The following HACD1 variants were observed in gnomAD, a reference collection of about 807,000 sequenced individuals.
HACD1 encodes the protein very-long-chain (3R)-3-hydroxyacyl-CoA dehydratase 1.
A neutral mutation model predicts 32.0 loss-of-function variants in HACD1; 41 were observed. That is an observed-to-expected ratio of 1.28 (90% CI 1.00 to 1.66). The LOEUF is 1.66. HACD1 is among the 40% of genes most tolerant of loss of function. The probability of loss-of-function intolerance (pLI) is 0.00; values close to 1 mark genes in which losing one functional copy is unlikely to be tolerated. For missense variants in HACD1, 396 were observed against 380.1 expected (o/e 1.04, Z -0.35); for synonymous variants, 142 against 139.0 (o/e 1.02, Z -0.15).
intron 4 of HACD1, among the ~76,000 whole-genome samples, chr10:17,602,546 T>C (rs1834085266): frequency 6.6e-6 from 1 of 152,218 alleles, no homozygotes; most frequent in Admixed American, 6.5e-5. Context: ...TTATTTTTAA[T>C]TGAAAATTTA....
chr10:17,590,536 T>A lies in HACD1; in HGVS notation c.785-90A>T, dbSNP rs560325060. ...TGTTAAATGTGGCAATGTTAGAGAG[T>A]AAATACATCCCATACCACTGCTGTT... On this transcript the variant is annotated intron_variant, in intron 6 of 6. Coordinates refer to ENST00000361271, the MANE Select transcript of HACD1 (RefSeq NM_014241.4). 2.9e-5 allele frequency: 26 copies of A among 895,390 alleles called. No homozygotes were observed. The African/African-American group carries it at 3.3e-4, about 12-fold the overall frequency. The allele number at this position is 895,390 out of a possible 1,614,324, so 55.5% of individuals were successfully genotyped here.
intron 6 of HACD1, among the ~76,000 whole-genome samples, chr10:17,593,104 C>T (rs536746541): frequency 5.3e-5 from 8 of 151,860 alleles, no homozygotes; most frequent in South Asian, 2.1e-4. Flanking sequence ...TGAGAGGCAG[C>T]GATTGGAGTG....
At chr10:17,609,982 CAAAAAAAAAA>C (rs1189308859) in intron 1 of HACD1, among the ~76,000 whole-genome samples, 2 of 64,788 alleles carry the variant, frequency 3.1e-5, no homozygotes, top group East Asian at 9.2e-4. Context: ...GACTCCATCT[CAAAAAAAAAA>C]AAAAAAAAGA....
chr10:17,604,134 T>C, intron 1 of HACD1, 87 bp from the exon 2 acceptor site: 3 of 1,029,354 alleles, frequency 2.9e-6, no homozygotes, highest in Non-Finnish European at 4.3e-6. Flanking sequence ...TTATTCAAAA[T>C]AGTGAAAAGG....
At chr10:17,604,612 T>C (rs1181446938) in intron 1 of HACD1, among the ~76,000 whole-genome samples, 1 of 152,094 alleles carries the variant, frequency 6.6e-6, no homozygotes, top group Non-Finnish European at 1.5e-5. Context: ...TGAAATAAGC[T>C]AGGCACAAAA....
At chr10:17,615,793 C>G in intron 1 of HACD1, 1 of 426,858 alleles carries the variant, frequency 2.3e-6, no homozygotes, top group Non-Finnish European at 4.7e-6. Context: ...ATGGTGATAC[C>G]CTGTCTCTAC....
chr10:17,591,651 AAATT>A (rs1163256269), intron 6 of HACD1, among the ~76,000 whole-genome samples: 4 of 152,250 alleles, frequency 2.6e-5, no homozygotes, highest in South Asian at 2.1e-4. Context: ...GTGGATAAAC[AAATT>A]AATATCAGCT....
chr10:17,596,671 T>A (rs1180627573), intron 5 of HACD1, among the ~76,000 whole-genome samples: 4 of 152,092 alleles, frequency 2.6e-5, no homozygotes, highest in Non-Finnish European at 4.4e-5. Context: ...GAGGGCAGTA[T>A]GGGAGATTTA....
intron 1 of HACD1, among the ~76,000 whole-genome samples, chr10:17,607,695 T>G (rs1834167565): frequency 6.6e-6 from 1 of 152,214 alleles, no homozygotes; most frequent in Admixed American, 6.5e-5. Context: ...TAGGTGGCAG[T>G]ATTGTACCAC....
At chr10:17,604,728 C>T (rs1285736684) in intron 1 of HACD1, among the ~76,000 whole-genome samples, 1 of 152,102 alleles carries the variant, frequency 6.6e-6, no homozygotes, top group Non-Finnish European at 1.5e-5. Context: ...TTGATTGAGA[C>T]AGGGTCTCGC....
intron 1 of HACD1, 136 bp from the exon 2 acceptor site, chr10:17,604,183 A>C: frequency 1.6e-6 from 1 of 641,264 alleles, no homozygotes. Flanking sequence ...GTGAATGGAT[A>C]CTTGAAATGT....
At chr10:17,604,378 G>A (rs566939281) in intron 1 of HACD1, among the ~76,000 whole-genome samples, 104 of 151,800 alleles carry the variant, frequency 6.9e-4, no homozygotes, top group African/African-American at 2.1e-3. Flanking sequence ...CAGCTACTCA[G>A]GAGGCTGAGG....
Position 17,592,642 on chromosome 10 carries a change from A to G in HACD1, c.784+1563T>C, listed in dbSNP as rs1434569186. Among the ~76,000 whole-genome samples, 3 of 152,130 alleles carry G rather than the reference A, an allele frequency of 2.0e-5. No individual in the cohort carries two copies. In the East Asian group the frequency reaches 5.8e-4, roughly 29 times the overall value. On this transcript the variant is annotated intron_variant, in intron 6 of 6. Coordinates refer to ENST00000361271, the MANE Select transcript of HACD1 (RefSeq NM_014241.4). ...TTTCCATGGAGATGCCTCAAAAGCCATGAGGAGGAAGAGAACCCACTGTTT... is the reference window on the plus strand; with the variant it reads ...TTTCCATGGAGATGCCTCAAAAGCCGTGAGGAGGAAGAGAACCCACTGTTT...
At chr10:17,594,847 GT>G (rs782329972) in intron 5 of HACD1, among the ~76,000 whole-genome samples, 85 of 131,894 alleles carry the variant, frequency 6.4e-4, no homozygotes, top group South Asian at 7.8e-4. Context: ...AATTTTTGGT[GT>G]TTTTTTTTTT....
At chr10:17,613,000 A>G (rs1390613459) in intron 1 of HACD1, among the ~76,000 whole-genome samples, 1 of 152,044 alleles carries the variant, frequency 6.6e-6, no homozygotes, top group Non-Finnish European at 1.5e-5. Context: ...AGAAAATGAA[A>G]GTGTGTGATA....
chr10:17,608,911 C>T (rs1345112612), intron 1 of HACD1, among the ~76,000 whole-genome samples: 6 of 152,108 alleles, frequency 3.9e-5, no homozygotes, highest in Non-Finnish European at 5.9e-5. Flanking sequence ...ATGCCAATAA[C>T]GAGTCAAGCT....
chr10:17,603,773 G>C (rs782559002), intron 2 of HACD1, 29 bp from the exon 3 acceptor site: 1 of 1,579,972 alleles, frequency 6.3e-7, no homozygotes, highest in African/African-American at 1.4e-5. Context: ...AAATCATTAC[G>C]TCAATAATAG....
chr10:17,615,434 T>C (rs1484905794), intron 1 of HACD1: 1 of 153,416 alleles, frequency 6.5e-6, no homozygotes, highest in African/African-American at 2.4e-5. Flanking sequence ...TGAACTGTAT[T>C]TGGCATTCAA....
chr10:17,602,072 A>ATTTT (rs374433598), intron 4 of HACD1, among the ~76,000 whole-genome samples: 2 of 144,170 alleles, frequency 1.4e-5, no homozygotes, highest in Non-Finnish European at 1.5e-5. Context: ...CATGGGTTTA[A>ATTTT]TTTTTTTTTT....
Sources: gnomAD v4.1 joint callset for allele counts (sites outside exome capture counted in the v4.1 genomes callset) on GRCh38, gnomAD v4.1.1 for gene constraint, MANE v1.5 for transcripts, NCBI Gene and HGNC (gene_info 2026-07-23, HGNC 2026-07-21) for gene names.